The following BNIP2 variants were observed in gnomAD, a reference collection of about 807,000 sequenced individuals.
The protein encoded by BNIP2 is BCL2 interacting protein 2, also known as BCL2/adenovirus E1B 19 kDa protein-interacting protein 2.
In BNIP2, 36 loss-of-function variants were observed where a neutral mutation model predicts 43.4. That is an observed-to-expected ratio of 0.83 (90% CI 0.64 to 1.10). The LOEUF (loss-of-function observed/expected upper bound fraction) is 1.10. Ranked by LOEUF, BNIP2 falls within the 50% of genes least tolerant of loss-of-function variation. BNIP2 has a pLI of 0.00. For missense variants in BNIP2, 417 were observed against 374.1 expected, an observed-to-expected ratio of 1.11 and a Z score of -0.95; for synonymous variants, 146 against 121.0, an observed-to-expected ratio of 1.21 and a Z score of -1.35.
At chr15:59,666,512 C>T (rs1287351352) in intron 9 of BNIP2, among the ~76,000 whole-genome samples, 1 of 152,000 alleles carries the variant, frequency 6.6e-6, no homozygotes, top group Admixed American at 6.6e-5. Context: ...ACTAAAAATG[C>T]AAAAATTAGC....
intron 5 of BNIP2, chr15:59,676,684 CATGA>C (rs2142005567): frequency 1.6e-6 from 1 of 631,884 alleles, no homozygotes; most frequent in South Asian, 2.0e-5. Flanking sequence ...TCTGATATTG[CATGA>C]AACGGCTAGG....
In BNIP2 at chr15:59,668,782, G is replaced by A. The variant is rs547961880; in HGVS notation, c.893+110C>T. The stretch of plus-strand genomic sequence containing the variant: ...TACACACACACACACACGCGCGCGC[G>A]CGCACAGTTATAAAATATAATACAT... On this transcript the variant is annotated intron_variant, in intron 9 of 9. Transcript: ENST00000607373. 66 of 990,846 alleles carry A rather than the reference G, an allele frequency of 6.7e-5. No homozygotes were observed. In the African/African-American group the frequency reaches 8.0e-4, roughly 12 times the overall value. The allele number at this position is 990,846 out of a possible 1,614,324, so 61.4% of individuals were successfully genotyped here.
intron 1 of BNIP2, among the ~76,000 whole-genome samples, chr15:59,686,915 G>A (rs933903310): frequency 1.3e-5 from 2 of 152,294 alleles, no homozygotes; most frequent in East Asian, 3.9e-4. Context: ...GATCAGGGAG[G>A]CTGAGGCAGG....
At position 59,672,697 on chromosome 15, in the gene BNIP2, A is replaced by G; in HGVS notation, c.515T>C (p.Val172Ala). Residue 172 changes from valine to alanine, a missense_variant, in exon 6 of 10, where the codon GTC becomes GCC. Val to Ala is a moderately conservative substitution (Grantham distance 64). Transcript: ENST00000607373. ...CTGACTACTTTCAGGCATGAAACAG[A>G]CAGCAAACACAACAATGGCATTTAA... ...DGLNAIVVFA[V>A]CFMPESSQPN... The G allele has an allele frequency of 4.3e-6, 7 of 1,613,906 alleles. No individual in the cohort carries two copies. Among genetic ancestry groups the G allele is most frequent in the South Asian group, 1.1e-5 (1 of 91,082 alleles).
At position 59,679,644 on chromosome 15, in the gene BNIP2, G is replaced by C; in HGVS notation, c.243C>G (p.Asp81Glu). 6.2e-7 allele frequency: 1 copy of C among 1,613,152 alleles called. No homozygotes were observed. Among genetic ancestry groups the C allele is most frequent in the Non-Finnish European group, 8.5e-7 (1 of 1,179,518 alleles). ...CTGACGGTGTGTCTAAGCCATCTAAGTCAATCTCCCCACTTTCATCCAAAT... is the reference window on the plus strand; with the variant it reads ...CTGACGGTGTGTCTAAGCCATCTAACTCAATCTCCCCACTTTCATCCAAAT... ...SDDLDESGEI[D>E]LDGLDTPSEN... Residue 81 changes from aspartate (D) to glutamate (E), a missense_variant, in exon 4 of 10, where the codon GAC becomes GAG. By Grantham distance (45) the Asp-to-Glu change is conservative. Coordinates refer to ENST00000607373, the MANE Select transcript of BNIP2 (RefSeq NM_004330.4).
rs1191077457 is a variant in BNIP2 at position 59,663,110 on chromosome 15, G to C, written c.*959C>G. 1 of 152,638 alleles carries C rather than the reference G, an allele frequency of 6.6e-6. No individual in the cohort carries two copies. Among genetic ancestry groups the C allele is most frequent in the African/African-American group, 2.4e-5 (1 of 41,456 alleles). The allele number at this position is 152,638 out of a possible 1,614,324, so 9.5% of individuals were successfully genotyped here. ...GAAGTATTTTGGTAAAGTGCCCATAGTGAGAGTTTAAAAAGCAGCCCCTGT... is the reference window on the plus strand; with the variant it reads ...GAAGTATTTTGGTAAAGTGCCCATACTGAGAGTTTAAAAAGCAGCCCCTGT... On this transcript the variant is annotated 3_prime_UTR_variant, in exon 10 of 10. Transcript: ENST00000607373.
intron 4 of BNIP2, chr15:59,678,750 A>G: frequency 7.7e-7 from 1 of 1,291,516 alleles, no homozygotes; most frequent in South Asian, 1.3e-5. Flanking sequence ...GTCCTTACCA[A>G]AAGATGGGGG....
chr15:59,688,627 T>C, intron 1 of BNIP2: 1 of 1,362,692 alleles, frequency 7.3e-7, no homozygotes, highest in Non-Finnish European at 1.0e-6. Context: ...ACTCGGCTTT[T>C]GACGTACACA....
chr15:59,685,212 C>G (rs1007127975), intron 1 of BNIP2, among the ~76,000 whole-genome samples: 1 of 152,116 alleles, frequency 6.6e-6, no homozygotes, highest in Admixed American at 6.5e-5. Context: ...GAAAACAGCT[C>G]CTTGAGGCCG....
At chr15:59,670,695 C>T (rs1892843731) in intron 7 of BNIP2, among the ~76,000 whole-genome samples, 1 of 152,130 alleles carries the variant, frequency 6.6e-6, no homozygotes, top group East Asian at 1.9e-4. Context: ...ATTTCCCTCA[C>T]AATATTCTAA....
chr15:59,670,598 A>G (rs1228310713), intron 7 of BNIP2, among the ~76,000 whole-genome samples: 4 of 152,242 alleles, frequency 2.6e-5, no homozygotes, highest in Non-Finnish European at 5.9e-5. Flanking sequence ...AAATAAGGAG[A>G]AAGTCTTCAA....
chr15:59,672,081 A>G (rs1477289576), intron 6 of BNIP2, among the ~76,000 whole-genome samples: 1 of 152,230 alleles, frequency 6.6e-6, no homozygotes, highest in Non-Finnish European at 1.5e-5. Context: ...ATCTCAAAAC[A>G]AAACGAAACA....
chr15:59,670,903 G>A (rs1057383149), intron 7 of BNIP2, among the ~76,000 whole-genome samples: 4 of 151,896 alleles, frequency 2.6e-5, no homozygotes, highest in East Asian at 1.9e-4. Context: ...GAGAAACCCC[G>A]TCTCTACAAA....
chr15:59,687,421 G>T (rs1894094435), intron 1 of BNIP2, among the ~76,000 whole-genome samples: 1 of 147,526 alleles, frequency 6.8e-6, no homozygotes, highest in African/African-American at 2.5e-5. Flanking sequence ...CTGCAATCTC[G>T]GCTCGCTACA....
chr15:59,672,520 C>A (rs1467200808), intron 6 of BNIP2, 117 bp downstream of exon 6: 7 of 715,248 alleles, frequency 9.8e-6, no homozygotes, highest in African/African-American at 1.8e-5. Flanking sequence ...GATCTGCCCA[C>A]TTCAGTCTCC....
At chr15:59,675,725 T>A (rs563396997) in intron 5 of BNIP2, among the ~76,000 whole-genome samples, 22 of 151,280 alleles carry the variant, frequency 1.5e-4, no homozygotes, top group Admixed American at 1.2e-3. Flanking sequence ...CACATGCACA[T>A]AAAAAAAAAC....
Position 59,668,969 on chromosome 15 carries a change from A to T in BNIP2, c.816T>A (p.Ile272=), listed in dbSNP as rs1892734861. The T allele has an allele frequency of 3.1e-6, 5 of 1,613,506 alleles. No individual in the cohort carries two copies. Among genetic ancestry groups the T allele is most frequent in the Non-Finnish European group, 4.2e-6 (5 of 1,179,686 alleles). ...GTTCTGCCAAATTAAACACGTATCT[A>T]ATTTTTTGGCTGAATTTCGAGCTAT... ...PFISSKFSQK[I]RYVFNLAELA... The change falls in exon 9 of 10, where the codon ATT becomes ATA. Residue 272 remains isoleucine, a synonymous_variant. Coordinates refer to ENST00000607373, the MANE Select transcript of BNIP2 (RefSeq NM_004330.4).
chr15:59,684,736 TGTC>T (rs1351714781), intron 1 of BNIP2, among the ~76,000 whole-genome samples: 3 of 152,374 alleles, frequency 2.0e-5, no homozygotes, highest in Non-Finnish European at 2.9e-5. Context: ...TCTATTATCT[TGTC>T]GTACCTTTTT....
intron 1 of BNIP2, chr15:59,688,754 C>T (rs1050814934): frequency 3.3e-6 from 5 of 1,535,718 alleles, no homozygotes; most frequent in Non-Finnish European, 4.4e-6. Flanking sequence ...TTTCTTTGTT[C>T]TGTACCAGGA....
Sources: allele counts gnomAD v4.1 joint callset (sites outside exome capture counted in the v4.1 genomes callset), GRCh38; gene constraint gnomAD v4.1.1; transcripts MANE v1.5; gene names NCBI Gene and HGNC (gene_info 2026-07-23, HGNC 2026-07-21).